CEP72: variants seen among roughly 807,000 people sequenced by gnomAD.
The protein encoded by CEP72 is centrosomal protein 72.
Under a neutral mutation model 65.7 loss-of-function variants are expected in CEP72, and 78 were observed. The ratio of observed to expected loss-of-function variants is 1.19; its 90% confidence interval spans 0.99 to 1.43. The LOEUF (loss-of-function observed/expected upper bound fraction) is 1.43. Ranked by LOEUF, CEP72 falls within the 40% of genes most tolerant of loss-of-function variation. The pLI is 0.00. For missense variants in CEP72, 914 were observed against 832.9 expected (o/e 1.10, Z -1.20); for synonymous variants, 358 against 351.7 (o/e 1.02, Z -0.20).
chr5:635,489 G>A lies in CEP72; in HGVS notation c.809G>A (p.Trp270Ter). 1 of 1,614,126 alleles carries A rather than the reference G, an allele frequency of 6.2e-7. No individual in the cohort carries two copies. The highest frequency in any genetic ancestry group is 1.1e-5 in the South Asian group (1 of 91,082). Residue 270 changes from tryptophan to a stop codon, truncating the protein, a stop_gained, in exon 6 of 12, where the codon TGG becomes TAG. Coordinates refer to ENST00000264935, the MANE Select transcript of CEP72 (RefSeq NM_018140.4). LOFTEE classifies it high-confidence loss of function. ...CRGCCLEKMP[W>*]SQLCGELPPL... The stretch of plus-strand genomic sequence containing the variant: ...GGGTGCTGTCTGGAGAAGATGCCTT[G>A]GAGCCAGCTCTGTGGAGAGCTTCCG...
rs1737518057 is a variant in CEP72, at chr5:635,390, G to A, written c.710G>A (p.Ser237Asn). Reference sequence around the variant, plus strand: ...TTAATAGAATCCAGACATCTGTTGAGCCCGCAGTTGGTACAGTACCAGTGT... The same window carrying A: ...TTAATAGAATCCAGACATCTGTTGAACCCGCAGTTGGTACAGTACCAGTGT... ...RGSQESRHLL[S>N]PQLVQYQCGD... Residue 237 changes from serine to asparagine, a missense_variant, in exon 6 of 12, where the codon AGC becomes AAC. Coordinates refer to ENST00000264935, the MANE Select transcript of CEP72 (RefSeq NM_018140.4). The A allele has an allele frequency of 5.6e-6, 9 of 1,611,808 alleles. No individual in the cohort carries two copies. The South Asian group carries it at 7.7e-5, about 14-fold the overall frequency.
At chr5:646,654 C>T (rs557384976) in intron 10 of CEP72, among the ~76,000 whole-genome samples, 9 of 152,194 alleles carry the variant, frequency 5.9e-5, no homozygotes, top group South Asian at 4.1e-4. Context: ...AGGGATTGCA[C>T]GGCTGCCTCA....
the CEP72 span, among the ~76,000 whole-genome samples, chr5:673,080 C>T: frequency 5.6e-4 from 85 of 152,270 alleles, no homozygotes; most frequent in African/African-American, 1.3e-3. Context: ...CACTTCCTCA[C>T]GGTCCCCAAG....
In CEP72 at chr5:645,565, A is replaced by G. The variant is rs1487026959; in HGVS notation, c.1666+1140A>G. ...GGTGCGCTGTTTTCCCCCATGCCCC[A>G]AAGCTGTGCACGCCAGGGTGTTGCT... On this transcript the variant is annotated intron_variant, in intron 10 of 11. Transcript: ENST00000264935. This position sits in a 1 kb window ranked among gnomAD's most constrained non-coding sequence, Gnocchi z 4.0. Among the ~76,000 whole-genome samples the G allele has an allele frequency of 6.6e-6, 1 of 151,498 alleles. No individual in the cohort carries two copies. The highest frequency in any genetic ancestry group is 1.5e-5 in the Non-Finnish European group (1 of 67,918).
chr5:658,890 A>G (rs375115198), downstream of CEP72, among the ~76,000 whole-genome samples: 130 of 152,050 alleles, frequency 8.5e-4, 1 homozygote, highest in Admixed American at 2.5e-3. Flanking sequence ...GGATGGTCTC[A>G]ATCTCCTGAC....
rs769580127 is a variant in CEP72 at position 633,900 on chromosome 5, C to A, written c.644C>A (p.Thr215Lys). 3 of 1,613,192 alleles carry A rather than the reference C, an allele frequency of 1.9e-6. No homozygotes were observed. Among genetic ancestry groups the A allele is most frequent in the Non-Finnish European group, 2.5e-6 (3 of 1,180,038 alleles). ...GACCTCGGCAGGCCTCCCGGGAGCA[C>A]GAGCTTCAGCCAGAAGGGGCGTGAG... is the stretch of plus-strand genomic sequence containing the variant. ...EWDLGRPPGS[T>K]SFSQKGREAD... Residue 215 changes from threonine to lysine, a missense_variant, in exon 5 of 12, where the codon ACG becomes AAG. Thr to Lys is a moderately conservative substitution (Grantham distance 78). Transcript: ENST00000264935.
chr5:648,193 C>T (rs10057696), intron 11 of CEP72, among the ~76,000 whole-genome samples: 6,033 of 151,802 alleles, frequency 0.04, 410 homozygotes, highest in African/African-American at 0.14. Flanking sequence ...GGTGTGACCA[C>T]GAGGCATGGA....
chr5:635,792 C>G (rs1737552418), intron 6 of CEP72, among the ~76,000 whole-genome samples: 1 of 152,270 alleles, frequency 6.6e-6, no homozygotes, highest in Non-Finnish European at 1.5e-5. Flanking sequence ...AGAAATGGAG[C>G]TAGACTCATC....
At chr5:647,991 G>A (rs1738536766) in intron 11 of CEP72, 75 bp downstream of exon 11, 1 of 953,440 alleles carries the variant, frequency 1.0e-6, no homozygotes, top group African/African-American at 1.6e-5. Context: ...GCCGGACTGG[G>A]TCACACCCAG....
chr5:624,634 G>A lies in CEP72; in HGVS notation c.512+55G>A. ...AGTGTTTCTGACTGGCCTGCTGTCA[G>A]GAGGATTAACCGAACGTCATTCACT... On this transcript the variant is annotated intron_variant, in intron 4 of 11. Coordinates refer to ENST00000264935, the MANE Select transcript of CEP72 (RefSeq NM_018140.4). This position sits in a 1 kb window ranked among gnomAD's most constrained non-coding sequence, Gnocchi z 4.7. The A allele has an allele frequency of 7.8e-7, 1 of 1,280,140 alleles. No homozygotes were observed. The highest frequency in any genetic ancestry group is 1.1e-6 in the Non-Finnish European group (1 of 876,406). The allele number at this position is 1,280,140 out of a possible 1,614,324, so 79.3% of individuals were successfully genotyped here.
rs1009731120 is a variant in CEP72, at chr5:633,881, G to T, written c.625G>T (p.Gly209Cys). ...NLIAECEWDL[G>C]RPPGSTSFSQ... ...CATTGCAGAGTGCGAGTGGGACCTC[G>T]GCAGGCCTCCCGGGAGCACGAGCTT... The change falls in exon 5 of 12, where the codon GGC becomes TGC. Residue 209 changes from glycine (G) to cysteine (C), a missense_variant. Coordinates refer to ENST00000264935, the MANE Select transcript of CEP72 (RefSeq NM_018140.4). The T allele has an allele frequency of 1.9e-6, 3 of 1,613,400 alleles. No homozygotes were observed. The African/African-American group carries it at 4.0e-5, about 22-fold the overall frequency.
chr5:638,563 TG>T (rs1281666967), intron 7 of CEP72, among the ~76,000 whole-genome samples: 67 of 96,250 alleles, frequency 7.0e-4, no homozygotes, highest in East Asian at 3.6e-3. Flanking sequence ...CAGCATGGGG[TG>T]GGGGGGGGTC....
At chr5:634,479 C>T (rs1737454333) in intron 5 of CEP72, among the ~76,000 whole-genome samples, 1 of 152,206 alleles carries the variant, frequency 6.6e-6, no homozygotes, top group South Asian at 2.1e-4. Flanking sequence ...AGGTGGAGAC[C>T]TGAGTTTGGG....
chr5:620,676 A>G (rs141708910), intron 3 of CEP72, among the ~76,000 whole-genome samples: 7 of 152,360 alleles, frequency 4.6e-5, no homozygotes, highest in African/African-American at 1.7e-4. Flanking sequence ...TTGGAAGCAC[A>G]CAGGACAAGC....
intron 5 of CEP72, 109 bp downstream of exon 5, chr5:634,056 A>T (rs2126778051): frequency 1.0e-6 from 1 of 954,912 alleles, no homozygotes; most frequent in East Asian, 2.5e-5. Context: ...ACTTACCTTG[A>T]AGGATAGGAT....
intron 1 of CEP72, 108 bp from the exon 2 acceptor site, chr5:618,882 C>T: frequency 1.2e-6 from 1 of 859,526 alleles, no homozygotes; most frequent in Non-Finnish European, 1.8e-6. Flanking sequence ...TGAATTAAAC[C>T]AAGAATCTGT....
intron 7 of CEP72, 117 bp downstream of exon 7, chr5:637,935 G>T: frequency 8.9e-6 from 9 of 1,015,374 alleles, no homozygotes; most frequent in Non-Finnish European, 1.1e-5. Flanking sequence ...CCTCCCTGAT[G>T]CAGGGCTGTT....
At chr5:612,491 T>TGGGGGGGGGGGGGGGGG in intron 1 of CEP72, 48 bp downstream of exon 1, 2 of 567,408 alleles carry the variant, frequency 3.5e-6, no homozygotes, top group Non-Finnish European at 5.4e-6. Context: ...GGCGGGGGGG[T>TGGGGGGGGGGGGGGGGG]GGGTGCCGAG....
At chr5:668,629 C>G (rs1335394094), downstream of CEP72, among the ~76,000 whole-genome samples, 1 of 152,260 alleles carries the variant, frequency 6.6e-6, no homozygotes, top group African/African-American at 2.4e-5. Flanking sequence ...CGCGGCAGAG[C>G]CACTGTGGAC....
Sources: allele counts gnomAD v4.1 joint callset (sites outside exome capture counted in the v4.1 genomes callset), GRCh38; gene constraint gnomAD v4.1.1; non-coding constraint Gnocchi (gnomAD v3.1); transcripts MANE v1.5; gene names NCBI Gene and HGNC (gene_info 2026-07-23, HGNC 2026-07-21).